STN1: variants seen among roughly 807,000 people sequenced by gnomAD.
STN1 encodes the protein CST complex subunit STN1.
Under a neutral mutation model 45.5 loss-of-function variants are expected in STN1, and 29 were observed. That is an observed-to-expected ratio of 0.64 (90% confidence interval 0.47 to 0.87). The LOEUF (loss-of-function observed/expected upper bound fraction) is 0.87, where lower values mean the gene tolerates loss of function less well. Ranked by LOEUF, STN1 falls within the 40% of genes least tolerant of loss-of-function variation. STN1 has a pLI of 0.00. For synonymous variants in STN1, 148 were observed against 159.0 expected (o/e 0.93, Z 0.52); for missense variants, 376 against 441.4 (o/e 0.85, Z 1.33).
At chr10:103,904,450 T>TAA (rs35731846) in intron 4 of STN1, among the ~76,000 whole-genome samples, 2 of 142,420 alleles carry the variant, frequency 1.4e-5, no homozygotes, top group Admixed American at 7.0e-5. Context: ...AACCTAACTT[T>TAA]AAAAAAAAAA....
In STN1 at chr10:103,880,037, G is replaced by A. The variant is rs758222585; in HGVS notation, c.*2647C>T. On this transcript the variant is annotated 3_prime_UTR_variant, in exon 10 of 10. Coordinates refer to ENST00000224950, the MANE Select transcript of STN1 (RefSeq NM_024928.5). The stretch of plus-strand genomic sequence containing the variant: ...GACCATGCTACCTGCTGCAGGAGAC[G>A]GCCCGCCCACTTCACCCGCCTGGGC... Among the ~76,000 whole-genome samples the A allele has an allele frequency of 1.3e-5, 2 of 152,216 alleles. No homozygotes were observed. Among genetic ancestry groups the A allele is most frequent in the Admixed American group, 6.5e-5 (1 of 15,288 alleles).
At chr10:103,913,113 T>G (rs1438500725) in intron 2 of STN1, among the ~76,000 whole-genome samples, 1 of 152,206 alleles carries the variant, frequency 6.6e-6, no homozygotes, top group Non-Finnish European at 1.5e-5. Context: ...GCAAAAACAC[T>G]TTCAGATGGG....
rs1843181530 is a variant in STN1 at position 103,897,832 on chromosome 10, T to C, written c.582-113A>G. On this transcript the variant is annotated intron_variant, in intron 6 of 9. Coordinates refer to ENST00000224950, the MANE Select transcript of STN1 (RefSeq NM_024928.5). ...AATGCAACACTATATTGGAGTTTGT[T>C]TTTCATATACAGAGTAATATATACA... 9 of 1,008,474 alleles carry C rather than the reference T, an allele frequency of 8.9e-6. No homozygotes were observed. The South Asian group carries it at 1.3e-4, about 14-fold the overall frequency. The allele number at this position is 1,008,474 out of a possible 1,614,324, so 62.5% of individuals were successfully genotyped here. A position where few individuals can be genotyped will look rare whatever the true frequency, so the allele number is the denominator to read the frequency against.
chr10:103,886,178 A>G (rs1177509324), intron 9 of STN1, among the ~76,000 whole-genome samples: 2 of 152,232 alleles, frequency 1.3e-5, no homozygotes, highest in Non-Finnish European at 2.9e-5. Context: ...GTAAAAAATG[A>G]ACCTGAGCTA....
intron 8 of STN1, among the ~76,000 whole-genome samples, chr10:103,890,122 G>GA (rs1843130129): frequency 6.6e-6 from 1 of 152,010 alleles, no homozygotes; most frequent in African/African-American, 2.4e-5. Flanking sequence ...AGAAAAAAAA[G>GA]AAACAGAAAA....
intron 7 of STN1, among the ~76,000 whole-genome samples, chr10:103,892,772 T>A (rs1843148136): frequency 6.6e-6 from 1 of 152,190 alleles, no homozygotes; most frequent in Admixed American, 6.5e-5. Context: ...TCCACAAGGC[T>A]GAAGGTAGAC....
intron 2 of STN1, 91 bp downstream of exon 2, chr10:103,917,371 T>A: frequency 8.0e-7 from 1 of 1,247,944 alleles, no homozygotes; most frequent in East Asian, 2.5e-5. Context: ...CAGGGAAGGC[T>A]CTCCTAAAAG....
At chr10:103,883,036 C>T (rs1290450752) in intron 9 of STN1, among the ~76,000 whole-genome samples, 195 bp from the exon 10 acceptor site, 3 of 152,200 alleles carry the variant, frequency 2.0e-5, no homozygotes, top group Admixed American at 2.0e-4. Flanking sequence ...CTGATGTCAC[C>T]ACGGCGACAT....
At chr10:103,917,692 T>C in intron 1 of STN1, 36 bp from the exon 2 acceptor site, 2 of 1,411,972 alleles carry the variant, frequency 1.4e-6, no homozygotes, top group East Asian at 2.3e-5. Context: ...GCAATGCGTT[T>C]AACGTGGGTC....
At chr10:103,892,075 A>G in intron 8 of STN1, 55 bp downstream of exon 8, 3 of 1,361,322 alleles carry the variant, frequency 2.2e-6, no homozygotes, top group Non-Finnish European at 3.0e-6. Flanking sequence ...ATAAGTAATA[A>G]ATATATTTGT....
intron 4 of STN1, 66 bp downstream of exon 4, chr10:103,905,025 A>G: frequency 7.1e-7 from 1 of 1,415,816 alleles, no homozygotes; most frequent in South Asian, 1.2e-5. Context: ...AGCTGTTTTG[A>G]TGAACTACAT....
At chr10:103,883,428 C>T (rs1843083843) in intron 9 of STN1, among the ~76,000 whole-genome samples, 1 of 152,054 alleles carries the variant, frequency 6.6e-6, no homozygotes, top group Admixed American at 6.6e-5. Flanking sequence ...ATCTAGTATA[C>T]AACAATACAA....
At chr10:103,885,163 A>G (rs1843095565) in intron 9 of STN1, among the ~76,000 whole-genome samples, 1 of 152,198 alleles carries the variant, frequency 6.6e-6, no homozygotes, top group Admixed American at 6.5e-5. Context: ...TTGGTTCATC[A>G]TATCCGTAAT....
intron 5 of STN1, 121 bp from the exon 6 acceptor site, chr10:103,899,121 C>T (rs144745976): frequency 1.0e-6 from 1 of 969,432 alleles, no homozygotes; most frequent in African/African-American, 1.6e-5. Flanking sequence ...GGCCTCCTTC[C>T]TTGTGAGTGC....
Position 103,880,176 on chromosome 10 carries a change from T to A in STN1, c.*2508A>T, listed in dbSNP as rs1306239322. On this transcript the variant is annotated 3_prime_UTR_variant, in exon 10 of 10. Transcript: ENST00000224950. ...GAGTTTTATTGAGTGATGAAACAGT[T>A]TTCAACAGAGAGGAGACGTGGGGGT... is the stretch of plus-strand genomic sequence containing the variant. 6.6e-6 allele frequency among the ~76,000 whole-genome samples: 1 copy of A among 152,124 alleles called. No individual in the cohort carries two copies. Among genetic ancestry groups the A allele is most frequent in the East Asian group, 1.9e-4 (1 of 5,186 alleles).
intron 4 of STN1, among the ~76,000 whole-genome samples, chr10:103,901,355 G>A (rs1843209154): frequency 6.6e-6 from 1 of 152,188 alleles, no homozygotes; most frequent in Admixed American, 6.5e-5. Context: ...TTGAGTAGCT[G>A]GGATTATAGG....
intron 7 of STN1, among the ~76,000 whole-genome samples, chr10:103,893,224 A>G (rs1843151659): frequency 6.6e-6 from 1 of 151,894 alleles, no homozygotes; most frequent in South Asian, 2.1e-4. Flanking sequence ...GCTGGAGTGC[A>G]GTGGCGCGAT....
intron 3 of STN1, among the ~76,000 whole-genome samples, chr10:103,908,128 CAAAA>C (rs34156487): frequency 7.2e-6 from 1 of 138,670 alleles, no homozygotes; most frequent in Non-Finnish European, 1.6e-5. Context: ...GACTCCATCT[CAAAA>C]AAAAAAAAAA....
At chr10:103,882,992 C>CA in intron 9 of STN1, 151 bp from the exon 10 acceptor site, 1 of 753,168 alleles carries the variant, frequency 1.3e-6, no homozygotes, top group Non-Finnish European at 2.0e-6. Flanking sequence ...TACCTGATCA[C>CA]AAAAACAAAA....
Sources: allele counts gnomAD v4.1 joint callset (sites outside exome capture counted in the v4.1 genomes callset), GRCh38; gene constraint gnomAD v4.1.1; transcripts MANE v1.5; gene names NCBI Gene and HGNC (gene_info 2026-07-23, HGNC 2026-07-21).